OSBP2: variants seen among roughly 807,000 people sequenced by gnomAD.
OSBP2 encodes the protein oxysterol-binding protein 2.
In OSBP2, 66 loss-of-function variants were observed where a neutral mutation model predicts 96.0. The observed-to-expected ratio is 0.69, with a 90% CI of 0.56 to 0.84. OSBP2 has a LOEUF of 0.84. Among genes scored for constraint, OSBP2 ranks in the 40% least tolerant of loss-of-function variants. OSBP2 has a pLI of 0.00. For synonymous variants in OSBP2, 525 were observed against 520.9 expected (o/e 1.01, Z -0.11); for missense variants, 1,038 against 1,222.7 (o/e 0.85, Z 2.25).
chr22:30,749,364 T>C (rs2090045069), intron 2 of OSBP2, among the ~76,000 whole-genome samples: 1 of 152,192 alleles, frequency 6.6e-6, no homozygotes, highest in Admixed American at 6.5e-5. Context: ...GCTCATTCTC[T>C]TAACCATAAA....
intron 2 of OSBP2, among the ~76,000 whole-genome samples, chr22:30,763,295 G>A (rs1056306494): frequency 1.3e-5 from 2 of 152,172 alleles, no homozygotes; most frequent in South Asian, 2.1e-4. Context: ...TGGGTGCAGA[G>A]GGTATTTGTA....
At chr22:30,757,400 T>G (rs542295340) in intron 2 of OSBP2, among the ~76,000 whole-genome samples, 16 of 152,008 alleles carry the variant, frequency 1.1e-4, no homozygotes, top group Non-Finnish European at 1.9e-4. Context: ...GACTTGGTTT[T>G]ATCGCTGTTT....
chr22:30,811,743 C>T (rs906864147), intron 2 of OSBP2, among the ~76,000 whole-genome samples: 29 of 151,778 alleles, frequency 1.9e-4, no homozygotes, highest in Middle Eastern at 3.4e-3. Context: ...TTAGTAGAGA[C>T]GGGGTTTCAC....
intron 3 of OSBP2, among the ~76,000 whole-genome samples, chr22:30,877,992 G>A (rs768321407): frequency 7.2e-5 from 11 of 152,250 alleles, no homozygotes; most frequent in African/African-American, 1.7e-4. Flanking sequence ...AGGACCTTTA[G>A]GGGAAAGAGC....
intron 12 of OSBP2, chr22:30,902,910 CT>C (rs1026730347): frequency 8.0e-6 from 2 of 251,270 alleles, no homozygotes; most frequent in Admixed American, 1.0e-4. Flanking sequence ...GGAAACACAG[CT>C]TGTTGTGAGT....
intron 2 of OSBP2, among the ~76,000 whole-genome samples, chr22:30,843,632 G>A (rs1372136286): frequency 1.3e-5 from 2 of 152,138 alleles, no homozygotes; most frequent in Admixed American, 6.5e-5. Context: ...GGGAGGCCAA[G>A]GAGGGCAGAT....
intron 2 of OSBP2, 111 bp downstream of exon 2, chr22:30,741,480 G>A (rs367584357): frequency 3.8e-5 from 32 of 847,066 alleles, no homozygotes; most frequent in Middle Eastern, 3.5e-4. Flanking sequence ...CCAGGCCAGC[G>A]TGGATCAATC....
At chr22:30,715,554 T>C (rs545337205) in intron 1 of OSBP2, among the ~76,000 whole-genome samples, 734 of 11,062 alleles carry the variant, frequency 0.066, 6 homozygotes, top group Middle Eastern at 0.21. Flanking sequence ...AATTTTTAGA[T>C]TTTTTTTTTT....
chr22:30,864,589 T>G (rs570595863), intron 2 of OSBP2, among the ~76,000 whole-genome samples: 1 of 152,228 alleles, frequency 6.6e-6, no homozygotes, highest in South Asian at 2.1e-4. Flanking sequence ...GCTGTCTGAA[T>G]GTCCTTCCCC....
At chr22:30,852,595 A>G (rs2038996910) in intron 2 of OSBP2, among the ~76,000 whole-genome samples, 1 of 152,010 alleles carries the variant, frequency 6.6e-6, no homozygotes, top group Non-Finnish European at 1.5e-5. Context: ...AAGCTTCTCA[A>G]AGCCTTTAGT....
At chr22:30,888,191 G>T (rs757387599) in intron 4 of OSBP2, 32 bp from the exon 5 acceptor site, 1 of 1,429,198 alleles carries the variant, frequency 7.0e-7, no homozygotes, top group Non-Finnish European at 9.9e-7. Context: ...CTTTTGTGAG[G>T]TTACAAATTA....
intron 2 of OSBP2, among the ~76,000 whole-genome samples, chr22:30,827,607 T>C (rs2038430644): frequency 6.6e-6 from 1 of 152,162 alleles, no homozygotes; most frequent in African/African-American, 2.4e-5. Context: ...GGAAGTGACG[T>C]TTTACTGCCA....
chr22:30,864,591 T>C (rs1056440847), intron 2 of OSBP2, among the ~76,000 whole-genome samples: 4 of 151,992 alleles, frequency 2.6e-5, no homozygotes, highest in Non-Finnish European at 4.4e-5. Context: ...TGTCTGAATG[T>C]CCTTCCCCGC....
intron 2 of OSBP2, among the ~76,000 whole-genome samples, chr22:30,829,225 T>C (rs1602324547): frequency 6.6e-6 from 1 of 152,196 alleles, no homozygotes; most frequent in South Asian, 2.1e-4. Context: ...GTGGGCTCAC[T>C]TGGCACCTCG....
At chr22:30,735,904 A>T (rs867618218) in intron 1 of OSBP2, among the ~76,000 whole-genome samples, 28 of 150,268 alleles carry the variant, frequency 1.9e-4, no homozygotes, top group Middle Eastern at 3.5e-3. Flanking sequence ...TGGTATTTTT[A>T]AAAAATTATT....
chr22:30,782,444 T>A (rs2090530385), intron 2 of OSBP2, among the ~76,000 whole-genome samples: 1 of 152,176 alleles, frequency 6.6e-6, no homozygotes, highest in Admixed American at 6.5e-5. Context: ...TGCCTCGGCC[T>A]CCCAAAGTGC....
At chr22:30,836,342 A>G (rs1431004155) in intron 2 of OSBP2, among the ~76,000 whole-genome samples, 1 of 152,182 alleles carries the variant, frequency 6.6e-6, no homozygotes, top group Non-Finnish European at 1.5e-5. Flanking sequence ...AATGCTAATG[A>G]CTGGCAGAGC....
At chr22:30,717,847 G>A (rs921729104) in intron 1 of OSBP2, among the ~76,000 whole-genome samples, 1 of 152,192 alleles carries the variant, frequency 6.6e-6, no homozygotes, top group Non-Finnish European at 1.5e-5. Context: ...ACAATGGGTT[G>A]TGTGTGCATT....
At chr22:30,779,162 A>C (rs1602251865) in intron 2 of OSBP2, among the ~76,000 whole-genome samples, 1 of 148,258 alleles carries the variant, frequency 6.7e-6, no homozygotes, top group Admixed American at 6.8e-5. Flanking sequence ...GCTCACTGCA[A>C]CCTCTGCCCA....
Sources: gnomAD v4.1 joint callset for allele counts (sites outside exome capture counted in the v4.1 genomes callset) on GRCh38, gnomAD v4.1.1 for gene constraint, MANE v1.5 for transcripts, NCBI Gene and HGNC (gene_info 2026-07-23, HGNC 2026-07-21) for gene names.